TMEM175: variants seen among roughly 807,000 people sequenced by gnomAD.
TMEM175 encodes the protein transmembrane protein 175, also known as endosomal/lysosomal proton channel TMEM175.
TMEM175 carries 36 observed loss-of-function variants against 36.5 expected under a neutral mutation model. The ratio of observed to expected loss-of-function variants is 0.99; its 90% CI spans 0.76 to 1.30. The LOEUF is 1.30. TMEM175 is among the 50% of genes most tolerant of loss of function. TMEM175 has a pLI of 0.00. For missense variants in TMEM175, 705 were observed against 692.8 expected (o/e 1.02, Z -0.20); for synonymous variants, 339 against 313.4 (o/e 1.08, Z -0.86).
chr4:955,226 G>A lies in TMEM175; in HGVS notation c.628-179G>A, dbSNP rs568420147. ...CAAAGTGCTGGGATTACAGGCATGA[G>A]CCACTGTGCTGGCTTAAGAATCCTT... On this transcript the variant is annotated intron_variant, in intron 8 of 10. Transcript: ENST00000264771. Among the ~76,000 whole-genome samples the A allele has an allele frequency of 5.3e-5, 8 of 152,326 alleles. No homozygotes were observed. The East Asian group carries it at 1.5e-3, about 29-fold the overall frequency.
intron 4 of TMEM175, among the ~76,000 whole-genome samples, chr4:950,924 G>A (rs1728809908): frequency 6.7e-6 from 1 of 148,304 alleles, no homozygotes; most frequent in Non-Finnish European, 1.5e-5. Flanking sequence ...TGTGGATGGT[G>A]TGGATGGTGC....
In TMEM175 at chr4:952,373, T is replaced by C; in HGVS notation, c.385T>C (p.Leu129=). ...TTTGTTTTTGTTTTAACAGTTTTCG[T>C]TAATGGTGACCTTCCCTGATGTGCC... ...TITFLPYTFS[L]MVTFPDVPLG... Residue 129 remains leucine (L), a synonymous_variant, in exon 7 of 11, where the codon TTA becomes CTA. Coordinates refer to ENST00000264771, the MANE Select transcript of TMEM175 (RefSeq NM_032326.4). 1 of 1,612,172 alleles carries C rather than the reference T, an allele frequency of 6.2e-7. No homozygotes were observed. The highest frequency in any genetic ancestry group is 8.5e-7 in the Non-Finnish European group (1 of 1,180,000).
chr4:944,342 G>C (rs1454162744), intron 1 of TMEM175, among the ~76,000 whole-genome samples: 2 of 152,170 alleles, frequency 1.3e-5, no homozygotes, highest in South Asian at 4.1e-4. Context: ...ACAGAAAACA[G>C]ATCAGTGGTT....
Position 932,994 on chromosome 4 carries a change from C to T in TMEM175, c.-32+454C>T, listed in dbSNP as rs912807173. 4.6e-5 allele frequency among the ~76,000 whole-genome samples: 7 copies of T among 152,196 alleles called. No homozygotes were observed. The highest frequency in any genetic ancestry group is 3.9e-4 in the Admixed American group (6 of 15,282). On this transcript the variant is annotated intron_variant, in intron 1 of 10. Transcript: ENST00000264771. This position sits in a 1 kb window ranked among gnomAD's most constrained non-coding sequence, Gnocchi z 4.0. ...AACACTGCAGAGACTGCCCTGTGAC[C>T]CTCAAGGTTCGTTCTCACCCTGACA...
At chr4:956,593 C>T in intron 10 of TMEM175, 1 of 641,292 alleles carries the variant, frequency 1.6e-6, no homozygotes, top group South Asian at 1.8e-5. Flanking sequence ...CAAGCACCCA[C>T]CACCATGCCC....
chr4:937,536 C>G (rs1166964342), intron 1 of TMEM175, among the ~76,000 whole-genome samples: 1 of 152,202 alleles, frequency 6.6e-6, no homozygotes, highest in East Asian at 1.9e-4. Context: ...GCACTCCAAC[C>G]TGGACAACAA....
At chr4:943,656 A>G (rs1727787094) in intron 1 of TMEM175, among the ~76,000 whole-genome samples, 1 of 152,208 alleles carries the variant, frequency 6.6e-6, no homozygotes, top group African/African-American at 2.4e-5. Flanking sequence ...GCCTCGGCAA[A>G]TTGTCGGGTG....
intron 1 of TMEM175, among the ~76,000 whole-genome samples, chr4:938,447 T>C (rs1577383521): frequency 6.6e-6 from 1 of 151,990 alleles, no homozygotes; most frequent in Non-Finnish European, 1.5e-5. Flanking sequence ...GAGGTTGCAG[T>C]GAGCTGAGAT....
rs768124621 is a variant in TMEM175, at chr4:950,446, T to G, written c.218T>G (p.Leu73Arg). Reference protein sequence around the residue: ...EQQFDRSVQRLLATRIAVYLM... With the variant: ...EQQFDRSVQRRLATRIAVYLM... ...CAGTTCGACAGAAGTGTACAGAGGC[T>G]TCTGGCAACACGGATTGCCGTCTAC... Residue 73 changes from leucine to arginine, a missense_variant, in exon 4 of 11, where the codon CTT (leucine) becomes CGT (arginine). Leu to Arg is a moderately radical substitution (Grantham distance 102). Transcript: ENST00000264771. 1.9e-6 allele frequency: 3 copies of G among 1,614,090 alleles called. 1 individual carries two copies. The South Asian group carries it at 3.3e-5, about 18-fold the overall frequency.
intron 6 of TMEM175, chr4:952,039 C>G: frequency 1.7e-6 from 1 of 583,950 alleles, no homozygotes; most frequent in Non-Finnish European, 3.1e-6. Flanking sequence ...CTGTACTACT[C>G]AGGCTGTGAA....
chr4:951,658 C>T (rs1728904855), intron 5 of TMEM175, 24 bp from the exon 6 acceptor site: 1 of 1,613,930 alleles, frequency 6.2e-7, no homozygotes, highest in African/African-American at 1.3e-5. Context: ...CGCATCATGG[C>T]TGTGATGCCC....
chr4:955,671 C>T (rs184078608), intron 9 of TMEM175, 84 bp from the exon 10 acceptor site: 46 of 1,557,954 alleles, frequency 3.0e-5, no homozygotes, highest in Non-Finnish European at 3.9e-5. Flanking sequence ...CAGGCCTCTT[C>T]ATGGATGAGG....
intron 1 of TMEM175, among the ~76,000 whole-genome samples, chr4:944,202 A>G (rs569236057): frequency 1.3e-5 from 2 of 152,338 alleles, no homozygotes; most frequent in East Asian, 3.9e-4. Flanking sequence ...CTGAGGCACA[A>G]GAATCGCTTG....
chr4:948,536 G>A (rs1422743178), intron 3 of TMEM175: 7 of 1,367,392 alleles, frequency 5.1e-6, no homozygotes, highest in East Asian at 4.0e-5. Context: ...GGCCCCTTAC[G>A]TAGCTGCTCT....
intron 10 of TMEM175, 167 bp downstream of exon 10, chr4:956,057 C>T: frequency 1.1e-6 from 1 of 923,882 alleles, no homozygotes; most frequent in East Asian, 2.7e-5. Context: ...TCAGGGAGGA[C>T]AACCTTCCCG....
At chr4:955,157 G>C (rs891294932) in intron 8 of TMEM175, among the ~76,000 whole-genome samples, 8 of 152,076 alleles carry the variant, frequency 5.3e-5, no homozygotes, top group Non-Finnish European at 1.0e-4. Context: ...GCCCAGGCTG[G>C]TCTCGAACTC....
chr4:956,478 T>G, intron 10 of TMEM175: 3 of 1,269,356 alleles, frequency 2.4e-6, no homozygotes, highest in Non-Finnish European at 3.1e-6. Flanking sequence ...AGTCCTGCTG[T>G]GTCGCCCAGG....
At chr4:947,120 A>C (rs1728266579) in intron 1 of TMEM175, among the ~76,000 whole-genome samples, 1 of 128,048 alleles carries the variant, frequency 7.8e-6, no homozygotes, top group African/African-American at 3.1e-5. Flanking sequence ...ACGGGCGCCG[A>C]GACCGGGGGA....
intron 10 of TMEM175, chr4:956,250 C>A (rs960567113): frequency 8.3e-7 from 1 of 1,208,190 alleles, no homozygotes; most frequent in Non-Finnish European, 1.1e-6. Flanking sequence ...CCAACACCAG[C>A]CCCTCCTAGT....
Sources: allele counts gnomAD v4.1 joint callset (sites outside exome capture counted in the v4.1 genomes callset), GRCh38; gene constraint gnomAD v4.1.1; non-coding constraint Gnocchi (gnomAD v3.1); transcripts MANE v1.5; gene names NCBI Gene and HGNC (gene_info 2026-07-23, HGNC 2026-07-21).